Variants in PCSK6 observed in about 807,000 individuals in gnomAD.
The protein encoded by PCSK6 is paired basic amino acid cleaving enzyme 4.
A neutral mutation model predicts 123.3 loss-of-function variants in PCSK6; 85 were observed. The observed-to-expected ratio is 0.69, with a 90% CI of 0.58 to 0.83. The LOEUF is 0.83. PCSK6 is among the 40% of genes least tolerant of loss of function. The pLI is 0.00. For synonymous variants in PCSK6, 508 were observed against 516.0 expected (o/e 0.98, Z 0.21); for missense variants, 1,191 against 1,282.3 (o/e 0.93, Z 1.09).
chr15:101,354,666 G>A (rs902565802), intron 13 of PCSK6, among the ~76,000 whole-genome samples: 8 of 152,182 alleles, frequency 5.3e-5, no homozygotes, highest in African/African-American at 2.4e-5. Flanking sequence ...AACTCTTCAC[G>A]TAATGGAAAT....
At chr15:101,389,342 A>C (rs983882346) in intron 9 of PCSK6, 122 bp downstream of exon 9, 6 of 749,848 alleles carry the variant, frequency 8.0e-6, no homozygotes, top group Non-Finnish European at 1.4e-5. Context: ...TGCACGACTC[A>C]CTGAATGTGC....
intron 6 of PCSK6, among the ~76,000 whole-genome samples, chr15:101,410,008 C>T (rs1021664372): frequency 6.6e-6 from 1 of 152,322 alleles, no homozygotes; most frequent in Admixed American, 6.5e-5. Flanking sequence ...TCATTGCTCA[C>T]TGCAGCTTCA....
At chr15:101,445,967 G>A (rs754367757) in intron 1 of PCSK6, among the ~76,000 whole-genome samples, 16 of 152,222 alleles carry the variant, frequency 1.1e-4, no homozygotes, top group Admixed American at 1.3e-4. Context: ...CCCCTGCCCC[G>A]GGGCCGCCAT....
At chr15:101,437,797 G>C (rs2056644594) in intron 2 of PCSK6, among the ~76,000 whole-genome samples, 1 of 152,130 alleles carries the variant, frequency 6.6e-6, no homozygotes, top group South Asian at 2.1e-4. Flanking sequence ...TCCACTCACT[G>C]ACAACAGAAG....
chr15:101,485,266 T>C (rs972765205), intron 1 of PCSK6, among the ~76,000 whole-genome samples: 4 of 152,338 alleles, frequency 2.6e-5, no homozygotes, highest in Non-Finnish European at 5.9e-5. Context: ...ATTCATAAAC[T>C]TCCCCATTTT....
chr15:101,428,020 C>A (rs1410879018), intron 5 of PCSK6, 40 bp from the exon 6 acceptor site: 2 of 1,504,642 alleles, frequency 1.3e-6, no homozygotes, highest in East Asian at 2.5e-5. Flanking sequence ...CGCAGCCCAG[C>A]AAGTTTCAGT....
chr15:101,375,028 C>T (rs939421289), intron 11 of PCSK6, among the ~76,000 whole-genome samples: 5 of 151,676 alleles, frequency 3.3e-5, no homozygotes, highest in South Asian at 4.2e-4. Flanking sequence ...TCTCAGCTTA[C>T]GGTAACCTCT....
chr15:101,468,128 G>A (rs915535360), intron 1 of PCSK6, among the ~76,000 whole-genome samples: 7 of 152,198 alleles, frequency 4.6e-5, no homozygotes, highest in African/African-American at 1.4e-4. Flanking sequence ...TTCTAATTGG[G>A]TTAAGTCATC....
intron 6 of PCSK6, among the ~76,000 whole-genome samples, chr15:101,421,148 T>C (rs1399137971): frequency 1.3e-5 from 2 of 152,178 alleles, no homozygotes; most frequent in Non-Finnish European, 2.9e-5. Flanking sequence ...GGTTTCACCA[T>C]GTTGGCAGGC....
intron 6 of PCSK6, among the ~76,000 whole-genome samples, chr15:101,409,943 G>GT (rs2042899039): frequency 6.6e-6 from 1 of 152,064 alleles, no homozygotes; most frequent in Non-Finnish European, 1.5e-5. Flanking sequence ...TTGTTTGTTT[G>GT]TTTTTTTGAG....
At chr15:101,366,467 C>T in intron 12 of PCSK6, 135 bp from the exon 13 acceptor site, 2 of 752,244 alleles carry the variant, frequency 2.7e-6, no homozygotes, top group Non-Finnish European at 2.1e-6. Flanking sequence ...GGGGGTCTGG[C>T]CCCAGCCAAC....
intron 8 of PCSK6, among the ~76,000 whole-genome samples, chr15:101,389,828 C>G (rs746227443): frequency 3.9e-5 from 6 of 152,146 alleles, no homozygotes; most frequent in Non-Finnish European, 7.4e-5. Flanking sequence ...AATAATAGAT[C>G]AGCTGGTTCC....
rs188792774 is a variant in PCSK6 at position 101,432,402 on chromosome 15, C to T, written c.403-302G>A. ...CGTTGGGAGGCCGAGGCAGGAAGAT[C>T]GCCTGAGCCCAGGAGTTTGAGACCA... On this transcript the variant is annotated intron_variant, in intron 2 of 21. Coordinates refer to ENST00000611716, the MANE Select transcript of PCSK6 (RefSeq NM_002570.5). Among the ~76,000 whole-genome samples the T allele has an allele frequency of 1.6e-3, 234 of 150,930 alleles. 2 individuals carry two copies. Among genetic ancestry groups the T allele is most frequent in the African/African-American group, 5.5e-3 (224 of 40,938 alleles).
intron 13 of PCSK6, 163 bp downstream of exon 13, chr15:101,366,033 G>T: frequency 1.5e-6 from 1 of 681,240 alleles, no homozygotes; most frequent in Non-Finnish European, 2.4e-6. Context: ...CCACTGAACT[G>T]TCCACTTAAA....
At chr15:101,442,433 C>T (rs961710839) in intron 2 of PCSK6, among the ~76,000 whole-genome samples, 2 of 152,116 alleles carry the variant, frequency 1.3e-5, no homozygotes, top group African/African-American at 4.8e-5. Flanking sequence ...GGGACCACTT[C>T]CTCATATGCT....
intron 1 of PCSK6, among the ~76,000 whole-genome samples, chr15:101,452,266 T>G (rs1182164816): frequency 6.6e-6 from 1 of 152,198 alleles, no homozygotes; most frequent in Non-Finnish European, 1.5e-5. Flanking sequence ...GATGAGAACG[T>G]TTAATTTCTA....
At chr15:101,332,412 T>G (rs1288591743) in intron 13 of PCSK6, among the ~76,000 whole-genome samples, 1 of 152,158 alleles carries the variant, frequency 6.6e-6, no homozygotes, top group African/African-American at 2.4e-5. Context: ...CTTCCCGTCT[T>G]GGGATATCCG....
intron 13 of PCSK6, among the ~76,000 whole-genome samples, chr15:101,339,185 C>A (rs551560351): frequency 2.9e-4 from 44 of 152,300 alleles, no homozygotes; most frequent in Admixed American, 1.5e-3. Context: ...AGATTAAGGA[C>A]TCTGAGCTAA....
At chr15:101,488,092 G>C (rs1230298699) in intron 1 of PCSK6, among the ~76,000 whole-genome samples, 3 of 152,168 alleles carry the variant, frequency 2.0e-5, no homozygotes, top group Admixed American at 1.3e-4. Context: ...GTACATCAAC[G>C]TGGGGCTTGG....
Sources: allele counts gnomAD v4.1 joint callset (sites outside exome capture counted in the v4.1 genomes callset), GRCh38; gene constraint gnomAD v4.1.1; transcripts MANE v1.5; gene names NCBI Gene and HGNC (gene_info 2026-07-23, HGNC 2026-07-21).